Variants in VAPB observed in about 807,000 individuals in gnomAD.
The protein encoded by VAPB is VAMP associated protein B and C.
VAPB carries 7 observed loss-of-function variants against 25.6 expected under a neutral mutation model. The ratio of observed to expected loss-of-function variants is 0.27; its 90% confidence interval spans 0.16 to 0.51. The LOEUF (loss-of-function observed/expected upper bound fraction) is 0.51. VAPB is among the 20% of genes least tolerant of loss of function. The pLI is 0.97. For missense variants in VAPB, 266 were observed against 301.3 expected (o/e 0.88, Z 0.87); for synonymous variants, 112 against 109.2 (o/e 1.03, Z -0.16).
rs1160867744 is a variant in VAPB, at chr20:58,418,349, CAATT to C, written c.201_204del (p.Ile67MetfsTer4). 1.2e-6 allele frequency: 2 copies of C among 1,614,116 alleles called. No individual in the cohort carries two copies. The highest frequency in any genetic ancestry group is 1.7e-6 in the Non-Finnish European group (2 of 1,180,010). On this transcript the variant is annotated frameshift_variant, in exon 2 of 6. Transcript: ENST00000475243. LOFTEE classifies it high-confidence loss of function. ...AGCGGAATCATCGATGCAGGGGCCTCAATTAATGTATCTGGTAAGTCCTGAGACT... is the reference window on the plus strand; with the variant it reads ...AGCGGAATCATCGATGCAGGGGCCTCAATGTATCTGGTAAGTCCTGAGACT...
chr20:58,407,169 A>G (rs893224864), intron 1 of VAPB, among the ~76,000 whole-genome samples: 1 of 152,186 alleles, frequency 6.6e-6, no homozygotes, highest in African/African-American at 2.4e-5. Context: ...TCTATTACGA[A>G]AAAAAATCTA....
In VAPB at chr20:58,397,242, G is replaced by A. The variant is rs933902135; in HGVS notation, c.58+7725G>A. Among the ~76,000 whole-genome samples, 5 of 152,102 alleles carry A rather than the reference G, an allele frequency of 3.3e-5. 1 individual carries two copies. In the South Asian group the frequency reaches 8.3e-4, roughly 25 times the overall value. ...CTATATATTTAGAAAGCATTCGGCC[G>A]GGCATGGTGGCTCATGCCTGTAATC... On this transcript the variant is annotated intron_variant, in intron 1 of 5. Transcript: ENST00000475243.
intron 4 of VAPB, 142 bp from the exon 5 acceptor site, chr20:58,440,765 A>G: frequency 1.3e-6 from 1 of 753,598 alleles, no homozygotes; most frequent in Non-Finnish European, 2.2e-6. Context: ...AAAGTAATCC[A>G]TTTTTAAAAT....
rs138225455 is a variant in VAPB, at chr20:58,445,684, CTGTGTGTGTGTGTGTGTGTGTG to C, written c.*1465_*1486del. The C allele has an allele frequency of 3.9e-5, 17 of 432,634 alleles. No homozygotes were observed. The highest frequency in any genetic ancestry group is 6.6e-5 in the South Asian group (4 of 61,054). 26.8% of individuals were successfully genotyped at this position (432,634 alleles called of 1,614,324 possible). On this transcript the variant is annotated 3_prime_UTR_variant, in exon 6 of 6. Coordinates refer to ENST00000475243, the MANE Select transcript of VAPB (RefSeq NM_004738.5). ...GAAATACGTGTTTCATGATTTAACT[CTGTGTGTGTGTGTGTGTGTGTG>C]TGTGTGTGTGTGTGTATTTTTTTTT...
In VAPB at chr20:58,412,046, A is replaced by G. The variant is rs555838090; in HGVS notation, c.59-6165A>G. Among the ~76,000 whole-genome samples, 133 of 152,266 alleles carry G rather than the reference A, an allele frequency of 8.7e-4. 1 individual carries two copies. The highest frequency in any genetic ancestry group is 3.7e-3 in the Admixed American group (56 of 15,300). The stretch of plus-strand genomic sequence containing the variant: ...TTGGTTGACAGTATTTTATTCAGGT[A>G]TGTTTTTAGCAAATATTTTCTCCTG... On this transcript the variant is annotated intron_variant, in intron 1 of 5. Transcript: ENST00000475243.
rs281875284 is a variant in VAPB at position 58,418,289 on chromosome 20, C to T, written c.137C>T (p.Thr46Ile). 2 of 1,614,198 alleles carry T rather than the reference C, an allele frequency of 1.2e-6. No homozygotes were observed. Among genetic ancestry groups the T allele is most frequent in the Non-Finnish European group, 1.7e-6 (2 of 1,180,032 alleles). ...TDRNVCFKVK[T>I]TAPRRYCVRP... Reference sequence around the variant, plus strand: ...CGAAATGTGTGTTTTAAGGTGAAGACTACAGCACCACGTAGGTACTGTGTG... The same window carrying T: ...CGAAATGTGTGTTTTAAGGTGAAGATTACAGCACCACGTAGGTACTGTGTG... The change falls in exon 2 of 6, where the codon ACT becomes ATT. Residue 46 changes from threonine to isoleucine, a missense_variant. This residue lies in a region of VAPB where 98 missense variants were observed against 147.1 expected (regional missense o/e 0.67). Coordinates refer to ENST00000475243, the MANE Select transcript of VAPB (RefSeq NM_004738.5).
At chr20:58,414,897 G>A (rs962184772) in intron 1 of VAPB, among the ~76,000 whole-genome samples, 4 of 152,230 alleles carry the variant, frequency 2.6e-5, no homozygotes, top group Non-Finnish European at 4.4e-5. Flanking sequence ...AGGTTGTAGC[G>A]AGCCGAGATC....
At chr20:58,442,073 A>G (rs950846189) in intron 5 of VAPB, among the ~76,000 whole-genome samples, 1 of 152,226 alleles carries the variant, frequency 6.6e-6, no homozygotes, top group Non-Finnish European at 1.5e-5. Context: ...CCCATCCAAT[A>G]TGAAACAGCT....
intron 2 of VAPB, among the ~76,000 whole-genome samples, chr20:58,426,941 T>C (rs374073731): frequency 6.6e-6 from 1 of 152,384 alleles, no homozygotes; most frequent in Admixed American, 6.5e-5. Flanking sequence ...GTTACCGTTA[T>C]AATGCAGACG....
intron 1 of VAPB, among the ~76,000 whole-genome samples, chr20:58,402,560 CCCT>C (rs1269638940): frequency 0.013 from 1,252 of 98,942 alleles, 20 homozygotes; most frequent in African/African-American, 0.048. Flanking sequence ...AGCCCCCCCA[CCCT>C]TTTTTTTTTT....
chr20:58,405,426 G>A (rs920617770), intron 1 of VAPB, among the ~76,000 whole-genome samples: 1 of 152,156 alleles, frequency 6.6e-6, no homozygotes, highest in South Asian at 2.1e-4. Flanking sequence ...TGTGAGATGG[G>A]AAGCCACAGA....
intron 1 of VAPB, among the ~76,000 whole-genome samples, chr20:58,402,561 C>CTTTT (rs1568700275): frequency 1.8e-5 from 2 of 111,986 alleles, no homozygotes; most frequent in African/African-American, 3.3e-5. Flanking sequence ...GCCCCCCCAC[C>CTTTT]CTTTTTTTTT....
rs367770080 is a variant in VAPB at position 58,403,027 on chromosome 20, AAGG to A, written c.58+13513_58+13515del. On this transcript the variant is annotated intron_variant, in intron 1 of 5. Coordinates refer to ENST00000475243, the MANE Select transcript of VAPB (RefSeq NM_004738.5). Reference sequence around the variant, plus strand: ...CTCAAAAACAAAAACAAAGCTGAGAAAGGAGAGAGGGGGGAAGAAAGAAGACTT... The same window carrying A: ...CTCAAAAACAAAAACAAAGCTGAGAAAGAGAGGGGGGAAGAAAGAAGACTT... Among the ~76,000 whole-genome samples the A allele has an allele frequency of 1.9e-3, 285 of 151,946 alleles. 1 individual carries two copies. The highest frequency in any genetic ancestry group is 6.5e-3 in the African/African-American group (269 of 41,266).
intron 1 of VAPB, among the ~76,000 whole-genome samples, chr20:58,395,468 C>G (rs961950223): frequency 2.2e-4 from 34 of 151,964 alleles, no homozygotes; most frequent in Middle Eastern, 6.3e-3. Flanking sequence ...TTATATATCC[C>G]CACTTTTTTG....
chr20:58,435,794 C>G (rs2065247657), intron 3 of VAPB, among the ~76,000 whole-genome samples: 1 of 152,142 alleles, frequency 6.6e-6, no homozygotes. Context: ...TGAAAACTTT[C>G]TCTGATTTTC....
rs1330212862 is a variant in VAPB, at chr20:58,446,401, G to C, written c.*2166G>C. 1 of 454,040 alleles carries C rather than the reference G, an allele frequency of 2.2e-6. No homozygotes were observed. The highest frequency in any genetic ancestry group is 2.3e-5 in the Admixed American group (1 of 42,566). 28.1% of individuals were successfully genotyped at this position (454,040 alleles called of 1,614,324 possible). On this transcript the variant is annotated 3_prime_UTR_variant, in exon 6 of 6. Coordinates refer to ENST00000475243, the MANE Select transcript of VAPB (RefSeq NM_004738.5). ...AGGTGGTCCCCAACAGTGCCTAGGG[G>C]TACAGTACAGTCCCATTACACTAGA...
intron 1 of VAPB, among the ~76,000 whole-genome samples, chr20:58,399,566 G>T (rs1988045152): frequency 6.6e-6 from 1 of 151,790 alleles, no homozygotes; most frequent in Admixed American, 6.6e-5. Context: ...AAATACAAAA[G>T]TTAACCAGGC....
chr20:58,396,538 C>G (rs939402555), intron 1 of VAPB, among the ~76,000 whole-genome samples: 3 of 152,160 alleles, frequency 2.0e-5, no homozygotes, highest in African/African-American at 7.2e-5. Flanking sequence ...GTTTAGAGCT[C>G]TAAGTTCCTT....
chr20:58,444,093 G>A lies in VAPB; in HGVS notation c.590G>A (p.Arg197Gln), dbSNP rs1989220025. ...CTCCCGTAGGAAGAAGATGGACTGC[G>A]GATGAGGAAGACAGTGCAGAGCAAC... ...NKQFKEEDGL[R>Q]MRKTVQSNSP... Residue 197 changes from arginine (R) to glutamine (Q), a missense_variant, in exon 6 of 6, where the codon CGG becomes CAG. Around this residue, in one of 3 missense-constraint regions of VAPB, gnomAD observed 136 missense variants for 130.7 expected, o/e 1.04. Coordinates refer to ENST00000475243, the MANE Select transcript of VAPB (RefSeq NM_004738.5). 8 of 1,614,100 alleles carry A rather than the reference G, an allele frequency of 5.0e-6. No homozygotes were observed. Among genetic ancestry groups the A allele is most frequent in the Non-Finnish European group, 5.9e-6 (7 of 1,180,046 alleles).
Sources: allele counts gnomAD v4.1 joint callset (sites outside exome capture counted in the v4.1 genomes callset), GRCh38; gene constraint gnomAD v4.1.1; regional missense constraint gnomAD v4.1.1; transcripts MANE v1.5; gene names NCBI Gene and HGNC (gene_info 2026-07-23, HGNC 2026-07-21).